SON: variants seen among roughly 807,000 people sequenced by gnomAD.
The protein encoded by SON is SON DNA and RNA binding protein.
A neutral mutation model predicts 173.3 loss-of-function variants in SON; 4 were observed. The observed-to-expected ratio is 0.02, with a 90% CI of 0.01 to 0.05. The LOEUF (loss-of-function observed/expected upper bound fraction) is 0.05. Among genes scored for constraint, SON ranks in the 10% least tolerant of loss-of-function variants. SON has a pLI of 1.00. For missense variants in SON, 2,626 were observed against 3,055.3 expected (o/e 0.86, Z 3.31); for synonymous variants, 1,190 against 1,105.9 (o/e 1.08, Z -1.51).
chr21:33,548,579 A>G (rs1181629237), intron 2 of SON, among the ~76,000 whole-genome samples: 1 of 152,230 alleles, frequency 6.6e-6, no homozygotes, highest in Non-Finnish European at 1.5e-5. Context: ...TGTGCCAGGC[A>G]TTATTTGATG....
intron 2 of SON, among the ~76,000 whole-genome samples, chr21:33,549,195 C>T (rs1216751431): frequency 1.3e-5 from 2 of 151,764 alleles, no homozygotes; most frequent in Non-Finnish European, 2.9e-5. Context: ...CCGCCTCAGC[C>T]TCCCAAATAG....
At position 33,554,580 on chromosome 21, in the gene SON, T is replaced by C. The variant is rs1280161415; in HGVS notation, c.5349T>C (p.Ser1783=). ...SSMPERASES[S]SEEKDDYEIF... is the part of the protein sequence containing the mutation. ...TGCCAGAAAGAGCTTCAGAGTCTTC[T>C]TCAGAGGAAAAAGATGATTATGAAA... The change falls in exon 3 of 12, where the codon TCT becomes TCC. Residue 1783 remains serine (S), a synonymous_variant. Transcript: ENST00000356577. 2 of 1,613,960 alleles carry C rather than the reference T, an allele frequency of 1.2e-6. No homozygotes were observed. The highest frequency in any genetic ancestry group is 1.7e-5 in the Admixed American group (1 of 60,016).
Position 33,554,641 on chromosome 21 carries a change from A to C in SON, c.5410A>C (p.Lys1804Gln). ...VKVKDTHEKS[K>Q]KNKNRDKGEK... ...AGTTAAGGACACTCACGAAAAAAGC[A>C]AGAAAAATAAGAACCGTGATAAGGG... The change falls in exon 3 of 12, where the codon AAG (lysine) becomes CAG (glutamine). Residue 1804 changes from lysine (K) to glutamine (Q), a missense_variant. Lys to Gln is a moderately conservative substitution (Grantham distance 53). Around this residue, in one of 13 missense-constraint regions of SON, gnomAD observed 1,006 missense variants for 895.6 expected, o/e 1.12. Coordinates refer to ENST00000356577, the MANE Select transcript of SON (RefSeq NM_138927.4). 6.2e-7 allele frequency: 1 copy of C among 1,613,112 alleles called. No individual in the cohort carries two copies. The highest frequency in any genetic ancestry group is 8.5e-7 in the Non-Finnish European group (1 of 1,179,836).
rs1195299895 is a variant in SON, at chr21:33,554,625, C to T, written c.5394C>T (p.Asp1798=). ...DDYEIFVKVK[D]THEKSKKNKN... ...ATGAAATTTTTGTAAAAGTTAAGGA[C>T]ACTCACGAAAAAAGCAAGAAAAATA... The change falls in exon 3 of 12, where the codon GAC becomes GAT. Residue 1798 remains aspartate (D), a synonymous_variant. Coordinates refer to ENST00000356577, the MANE Select transcript of SON (RefSeq NM_138927.4). 2.5e-5 allele frequency: 41 copies of T among 1,613,092 alleles called. No individual in the cohort carries two copies. Among genetic ancestry groups the T allele is most frequent in the Non-Finnish European group, 3.4e-5 (40 of 1,179,856 alleles).
intron 2 of SON, among the ~76,000 whole-genome samples, chr21:33,547,514 CTT>C (rs1367000055): frequency 1.3e-5 from 2 of 151,992 alleles, no homozygotes; most frequent in African/African-American, 4.8e-5. Flanking sequence ...GGTTTGTCCT[CTT>C]TTTTGGGGGG....
Position 33,546,204 on chromosome 21 carries a change from C to T in SON, c.78-9C>T, listed in dbSNP as rs201007642. The T allele has an allele frequency of 1.1e-5, 18 of 1,583,592 alleles. No homozygotes were observed. Among genetic ancestry groups the T allele is most frequent in the Admixed American group, 2.0e-5 (1 of 50,698 alleles). ...ATATTAATGAATTTCGATAACTTTT[C>T]ATGTCAAGTGGAAGGAATGAAGGCC... On this transcript the variant is annotated splice_polypyrimidine_tract_variant and intron_variant, in intron 1 of 11. Coordinates refer to ENST00000356577, the MANE Select transcript of SON (RefSeq NM_138927.4).
chr21:33,559,507 T>C lies in SON; in HGVS notation c.6469-80T>C. 1 of 1,473,668 alleles carries C rather than the reference T, an allele frequency of 6.8e-7. No homozygotes were observed. The highest frequency in any genetic ancestry group is 2.2e-5 in the Admixed American group (1 of 45,792). 91.3% of individuals were successfully genotyped at this position (1,473,668 alleles called of 1,614,324 possible). A position where few individuals can be genotyped will look rare whatever the true frequency, so the allele number is the denominator to read the frequency against. ...AGAAATAATGGATAATATCATTTCC[T>C]TCAGATTATGTAGAAAATCTCAAAC... is the stretch of plus-strand genomic sequence containing the variant. On this transcript the variant is annotated intron_variant, in intron 5 of 11. Coordinates refer to ENST00000356577, the MANE Select transcript of SON (RefSeq NM_138927.4). This position sits in a 1 kb window ranked among gnomAD's most constrained non-coding sequence, Gnocchi z 4.1.
In SON at chr21:33,554,008, C is replaced by T; in HGVS notation, c.4777C>T (p.Leu1593=). The change falls in exon 3 of 12, where the codon CTA becomes TTA. Residue 1593 remains leucine, a synonymous_variant. Coordinates refer to ENST00000356577, the MANE Select transcript of SON (RefSeq NM_138927.4). ...GVSEADAGET[L]SSTGPFALEP... The stretch of plus-strand genomic sequence containing the variant: ...TAGTGAAGCTGATGCAGGAGAAACT[C>T]TATCTTCTACTGGTCCTTTTGCTCT... 1 of 1,614,092 alleles carries T rather than the reference C, an allele frequency of 6.2e-7. No homozygotes were observed. The highest frequency in any genetic ancestry group is 8.5e-7 in the Non-Finnish European group (1 of 1,179,986).
At chr21:33,544,519 T>C (rs2085564082) in intron 1 of SON, among the ~76,000 whole-genome samples, 1 of 152,004 alleles carries the variant, frequency 6.6e-6, no homozygotes, top group Non-Finnish European at 1.5e-5. Context: ...AAACTCACGT[T>C]ATTGATATTC....
intron 6 of SON, 133 bp from the exon 7 acceptor site, chr21:33,567,024 C>T (rs2086187370): frequency 2.0e-6 from 1 of 510,870 alleles, no homozygotes; most frequent in East Asian, 3.0e-5. Context: ...AGTCTTCTCC[C>T]TGTTTTCCAA....
intron 3 of SON, 136 bp downstream of exon 3, chr21:33,555,527 C>T: frequency 1.3e-6 from 1 of 794,122 alleles, no homozygotes; most frequent in Non-Finnish European, 1.8e-6. Flanking sequence ...TTTATTATTA[C>T]ATGGTACTGT....
chr21:33,569,510 G>T, intron 8 of SON: 1 of 378,810 alleles, frequency 2.6e-6, no homozygotes, highest in Admixed American at 3.8e-5. Flanking sequence ...GCCCCCAAGA[G>T]CCCTCTACCA....
chr21:33,574,776 G>C (rs1164828682), intron 9 of SON, among the ~76,000 whole-genome samples: 1 of 152,170 alleles, frequency 6.6e-6, no homozygotes, highest in Non-Finnish European at 1.5e-5. Context: ...GCAGTGTTTG[G>C]GTTTAGCAAT....
In SON at chr21:33,549,452, A is replaced by G. The variant is rs779393913; in HGVS notation, c.245-24A>G. Reference sequence around the variant, plus strand: ...AACTCTACTTTGGGGAATGTCTGACAAAATTAATTTCTATTACTTTTAGAC... The same window carrying G: ...AACTCTACTTTGGGGAATGTCTGACGAAATTAATTTCTATTACTTTTAGAC... On this transcript the variant is annotated intron_variant, in intron 2 of 11. Transcript: ENST00000356577. 6 of 1,514,020 alleles carry G rather than the reference A, an allele frequency of 4.0e-6. No individual in the cohort carries two copies. The South Asian group carries it at 5.6e-5, about 14-fold the overall frequency. The allele number at this position is 1,514,020 out of a possible 1,614,324, so 93.8% of individuals were successfully genotyped here.
intron 6 of SON, among the ~76,000 whole-genome samples, chr21:33,566,281 A>C (rs1157330849): frequency 6.6e-6 from 1 of 152,134 alleles, no homozygotes; most frequent in Non-Finnish European, 1.5e-5. Context: ...TGAGTTGATA[A>C]AAATCAACTC....
chr21:33,549,327 C>A, intron 2 of SON, 149 bp from the exon 3 acceptor site: 1 of 566,586 alleles, frequency 1.8e-6, no homozygotes, highest in Non-Finnish European at 2.9e-6. Flanking sequence ...CCTGCCTTGG[C>A]CTCTCAGAGT....
At position 33,552,642 on chromosome 21, in the gene SON, T is replaced by C. The variant is rs774426454; in HGVS notation, c.3411T>C (p.Thr1137=). ...CTGATTCTTACACCGATTCTTACAC[T>C]GACACATATACAGAGGCATATATGG... ...MAADSYTDSY[T]DTYTEAYMVP... is the part of the protein sequence containing the mutation. Residue 1137 remains threonine (T), a synonymous_variant, in exon 3 of 12, where the codon ACT becomes ACC. Coordinates refer to ENST00000356577, the MANE Select transcript of SON (RefSeq NM_138927.4). This position sits in a 1 kb window ranked among gnomAD's most constrained non-coding sequence, Gnocchi z 5.6. 5 of 1,614,124 alleles carry C rather than the reference T, an allele frequency of 3.1e-6. No individual in the cohort carries two copies. Among genetic ancestry groups the C allele is most frequent in the Non-Finnish European group, 4.2e-6 (5 of 1,180,008 alleles).
intron 8 of SON, among the ~76,000 whole-genome samples, chr21:33,571,328 T>C (rs979965602): frequency 1.3e-5 from 2 of 152,222 alleles, no homozygotes; most frequent in Non-Finnish European, 2.9e-5. Flanking sequence ...AAATATTGTC[T>C]ACTCATTAAA....
Position 33,552,918 on chromosome 21 carries a change from T to C in SON, c.3687T>C (p.Asp1229=). ...CGGAGCCTTCAGCAGTGCCTACTGA[T>C]TATTCAGTGTCAGCATCAGATCCCT... ...EISEPSAVPT[D]YSVSASDPSV... Residue 1229 remains aspartate, a synonymous_variant, in exon 3 of 12, where the codon GAT becomes GAC. Coordinates refer to ENST00000356577, the MANE Select transcript of SON (RefSeq NM_138927.4). The surrounding 1 kb of genome is among the most constrained non-coding windows in gnomAD (Gnocchi z 5.6). The C allele has an allele frequency of 6.2e-7, 1 of 1,614,126 alleles. No homozygotes were observed. The highest frequency in any genetic ancestry group is 8.5e-7 in the Non-Finnish European group (1 of 1,179,998).
Sources: gnomAD v4.1 joint callset for allele counts (sites outside exome capture counted in the v4.1 genomes callset) on GRCh38, gnomAD v4.1.1 for gene constraint, gnomAD v4.1.1 regional missense constraint, Gnocchi (gnomAD v3.1) non-coding constraint, MANE v1.5 for transcripts, NCBI Gene and HGNC (gene_info 2026-07-23, HGNC 2026-07-21) for gene names.